FREM2: variants seen among roughly 807,000 people sequenced by gnomAD.
FREM2 encodes FRAS1 related extracellular matrix 2.
In FREM2, 119 loss-of-function variants were observed where a neutral mutation model predicts 219.9. The observed-to-expected ratio is 0.54, with a 90% CI of 0.47 to 0.63. The LOEUF (loss-of-function observed/expected upper bound fraction) is 0.63, where lower values mean the gene tolerates loss of function less well. FREM2 is among the 30% of genes least tolerant of loss of function. FREM2 has a pLI of 0.00. For synonymous variants in FREM2, 1,562 were observed against 1,522.8 expected (o/e 1.03, Z -0.60); for missense variants, 4,030 against 3,993.6 (o/e 1.01, Z -0.25).
At chr13:38,857,644 G>T (rs1877609685) in intron 12 of FREM2, among the ~76,000 whole-genome samples, 1 of 152,164 alleles carries the variant, frequency 6.6e-6, no homozygotes, top group African/African-American at 2.4e-5. Flanking sequence ...CCTTTGGATT[G>T]ACTGCCCTGG....
chr13:38,698,588 CT>C (rs1870211717), intron 2 of FREM2, among the ~76,000 whole-genome samples: 1 of 152,108 alleles, frequency 6.6e-6, no homozygotes, highest in African/African-American at 2.4e-5. Context: ...AGAACCTCCC[CT>C]AGTACATGTG....
intron 1 of FREM2, among the ~76,000 whole-genome samples, chr13:38,696,216 G>T (rs1444053998): frequency 6.6e-6 from 1 of 152,160 alleles, no homozygotes; most frequent in Non-Finnish European, 1.5e-5. Context: ...CTATTAGCAG[G>T]AGGGTACCAT....
At chr13:38,710,832 T>C (rs1870742658) in intron 2 of FREM2, among the ~76,000 whole-genome samples, 1 of 152,196 alleles carries the variant, frequency 6.6e-6, no homozygotes, top group East Asian at 1.9e-4. Flanking sequence ...TTAAAAATAG[T>C]GTAAAAATAA....
intron 8 of FREM2, 91 bp downstream of exon 8, chr13:38,848,761 A>G (rs535433918): frequency 4.4e-5 from 53 of 1,197,764 alleles, no homozygotes; most frequent in Admixed American, 1.5e-4. Context: ...GATTATATAT[A>G]TTTGTTTGTT....
Position 38,688,549 on chromosome 13 carries a change from C to G in FREM2, c.1205C>G (p.Ser402Cys), listed in dbSNP as rs761616009. ...GCCTACCAGCCCCCTTCTGAAGACTCTGACCAGGAGCGCCTCTTTGAACTG... is the reference window on the plus strand; with the variant it reads ...GCCTACCAGCCCCCTTCTGAAGACTGTGACCAGGAGCGCCTCTTTGAACTG... ...KIAYQPPSED[S>C]DQERLFELEL... Residue 402 changes from serine (S) to cysteine (C), a missense_variant, in exon 1 of 24, where the codon TCT becomes TGT. Physicochemically the swap from Ser to Cys is moderately radical, Grantham distance 112 (BLOSUM62 -1). This residue lies in a region of FREM2 where 3,102 missense variants were observed against 2,950.7 expected (regional missense o/e 1.05). Coordinates refer to ENST00000280481, the MANE Select transcript of FREM2 (RefSeq NM_207361.6). 1.2e-6 allele frequency: 2 copies of G among 1,613,778 alleles called. No homozygotes were observed. The highest frequency in any genetic ancestry group is 2.2e-5 in the South Asian group (2 of 90,988).
chr13:38,717,412 C>CTTTTT (rs386378868), intron 2 of FREM2, among the ~76,000 whole-genome samples: 1,525 of 90,062 alleles, frequency 0.017, 74 homozygotes, highest in Non-Finnish European at 0.021. Flanking sequence ...TACATAAGTA[C>CTTTTT]TTTTTTTTTT....
intron 4 of FREM2, among the ~76,000 whole-genome samples, chr13:38,771,610 C>T (rs1208968741): frequency 2.0e-5 from 3 of 152,084 alleles, no homozygotes; most frequent in Admixed American, 2.0e-4. Context: ...GTAGGCTATA[C>T]CAAATGAAAC....
intron 6 of FREM2, among the ~76,000 whole-genome samples, chr13:38,807,223 A>ATATATATG (rs1195734539): frequency 1.6e-5 from 2 of 124,090 alleles, no homozygotes; most frequent in African/African-American, 5.9e-5. Flanking sequence ...ATATATATAT[A>ATATATATG]TATATGTATG....
At chr13:38,827,955 T>C (rs1395168842) in intron 6 of FREM2, among the ~76,000 whole-genome samples, 1 of 152,182 alleles carries the variant, frequency 6.6e-6, no homozygotes, top group African/African-American at 2.4e-5. Context: ...TTAATCTTTG[T>C]TTAGTAATAA....
intron 6 of FREM2, chr13:38,822,243 C>T (rs2137877941): frequency 6.6e-6 from 1 of 152,082 alleles, no homozygotes; most frequent in Admixed American, 6.6e-5. Flanking sequence ...GCTTCAATTT[C>T]CCTGAGGGTG....
chr13:38,706,677 G>A lies in FREM2; in HGVS notation c.5263+8890G>A, dbSNP rs577472413. Among the ~76,000 whole-genome samples the A allele has an allele frequency of 3.3e-5, 5 of 152,224 alleles. No individual in the cohort carries two copies. In the South Asian group the frequency reaches 1.0e-3, roughly 32 times the overall value. On this transcript the variant is annotated intron_variant, in intron 2 of 23. Transcript: ENST00000280481. ...AATCCTGCTTTTTCTGAGATTAGAG[G>A]AAAACTATATGCTTTTTAGAATCTT...
chr13:38,828,998 T>C (rs1876404756), intron 6 of FREM2, among the ~76,000 whole-genome samples: 1 of 152,132 alleles, frequency 6.6e-6, no homozygotes, highest in Non-Finnish European at 1.5e-5. Context: ...TAACAAAATA[T>C]ATAATATGAC....
chr13:38,838,980 A>G (rs1214838370), intron 6 of FREM2, among the ~76,000 whole-genome samples: 1 of 151,834 alleles, frequency 6.6e-6, no homozygotes, highest in East Asian at 1.9e-4. Flanking sequence ...AACTCATTCT[A>G]CACCCAGTTT....
At chr13:38,832,524 ATTCT>A (rs1434677687) in intron 6 of FREM2, among the ~76,000 whole-genome samples, 2 of 152,084 alleles carry the variant, frequency 1.3e-5, no homozygotes, top group East Asian at 3.9e-4. Flanking sequence ...TTTAACATAC[ATTCT>A]TTCTTATTTT....
At position 38,687,164 on chromosome 13, in the gene FREM2, G is replaced by C; in HGVS notation, c.-181G>C. The C allele has an allele frequency of 2.4e-6, 2 of 818,114 alleles. No homozygotes were observed. The highest frequency in any genetic ancestry group is 3.8e-6 in the Non-Finnish European group (2 of 523,202). 50.7% of individuals were successfully genotyped at this position (818,114 alleles called of 1,614,324 possible). A position where few individuals can be genotyped will look rare whatever the true frequency, so the allele number is the denominator to read the frequency against. ...GGAAGGCTTCGGCTCCTCGGCTGCG[G>C]CTCCAGCCCGGACGGCGCCGCGCAA... On this transcript the variant is annotated 5_prime_UTR_variant, in exon 1 of 24. Transcript: ENST00000280481.
rs546058859 is a variant in FREM2, at chr13:38,763,757, A to G, written c.5264-547A>G. 2.6e-5 allele frequency among the ~76,000 whole-genome samples: 4 copies of G among 152,304 alleles called. No individual in the cohort carries two copies. In the East Asian group the frequency reaches 7.7e-4, roughly 29 times the overall value. On this transcript the variant is annotated intron_variant, in intron 2 of 23. Coordinates refer to ENST00000280481, the MANE Select transcript of FREM2 (RefSeq NM_207361.6). Reference sequence around the variant, plus strand: ...TCAGAGTGGAATGGAAATCAATGAAAAGAACTGTCTGTTTGCTCTAAGGAA... The same window carrying G: ...TCAGAGTGGAATGGAAATCAATGAAGAGAACTGTCTGTTTGCTCTAAGGAA...
At chr13:38,877,044 GT>G in intron 20 of FREM2, 72 bp from the exon 21 acceptor site, 1 of 1,508,762 alleles carries the variant, frequency 6.6e-7, no homozygotes, top group Non-Finnish European at 9.2e-7. Flanking sequence ...GTGAATGTAT[GT>G]ATCTGTGAAC....
At chr13:38,842,101 G>T (rs533365712) in intron 6 of FREM2, among the ~76,000 whole-genome samples, 1 of 152,202 alleles carries the variant, frequency 6.6e-6, no homozygotes, top group East Asian at 1.9e-4. Context: ...TAGAGCAAAG[G>T]CTGGGAGGGG....
intron 6 of FREM2, among the ~76,000 whole-genome samples, chr13:38,801,738 A>T (rs1315952878): frequency 1.3e-5 from 2 of 152,116 alleles, no homozygotes; most frequent in Non-Finnish European, 2.9e-5. Context: ...TAACCTAAGC[A>T]TGCCTGTCTG....
Sources: gnomAD v4.1 joint callset for allele counts (sites outside exome capture counted in the v4.1 genomes callset) on GRCh38, gnomAD v4.1.1 for gene constraint, gnomAD v4.1.1 regional missense constraint, MANE v1.5 for transcripts, NCBI Gene and HGNC (gene_info 2026-07-23, HGNC 2026-07-21) for gene names.